Variants in POU2F1 observed in about 807,000 individuals in gnomAD.
The protein encoded by POU2F1 is POU domain, class 2, transcription factor 1.
POU2F1 carries 16 observed loss-of-function variants against 84.9 expected under a neutral mutation model. The observed-to-expected ratio is 0.19, with a 90% CI of 0.13 to 0.29. The LOEUF (loss-of-function observed/expected upper bound fraction) is 0.29. Ranked by LOEUF, POU2F1 falls within the 10% of genes least tolerant of loss-of-function variation. The probability of loss-of-function intolerance (pLI) is 1.00; values close to 1 mark genes in which losing one functional copy is unlikely to be tolerated. For synonymous variants in POU2F1, 368 were observed against 368.3 expected (o/e 1.00, Z 0.01); for missense variants, 738 against 942.6 (o/e 0.78, Z 2.84).
At chr1:167,385,492 T>C (rs1006219387) in intron 8 of POU2F1, among the ~76,000 whole-genome samples, 5 of 151,740 alleles carry the variant, frequency 3.3e-5, no homozygotes, top group Non-Finnish European at 5.9e-5. Flanking sequence ...TGGAACAGAA[T>C]AGAAGGTCCA....
Position 167,413,088 on chromosome 1 carries a change from G to C in POU2F1, c.1964G>C (p.Ser655Thr). 1 of 1,613,870 alleles carries C rather than the reference G, an allele frequency of 6.2e-7. No homozygotes were observed. Among genetic ancestry groups the C allele is most frequent in the Non-Finnish European group, 8.5e-7 (1 of 1,179,812 alleles). ...LSGALSPALM[S>T]NSTLATIQAL... ...GGTGCTCTCAGCCCAGCTCTAATGA[G>C]CAACAGTACACTGGCAACTATTCAA... The change falls in exon 15 of 16, where the codon AGC (serine) becomes ACC (threonine). Residue 655 changes from serine (S) to threonine (T), a missense_variant. Ser to Thr is a moderately conservative substitution (Grantham distance 58). Coordinates refer to ENST00000367866, the MANE Select transcript of POU2F1 (RefSeq NM_002697.4).
intron 1 of POU2F1, among the ~76,000 whole-genome samples, chr1:167,245,048 TAGG>T (rs780627379): frequency 2.0e-5 from 3 of 152,206 alleles, no homozygotes; most frequent in South Asian, 4.1e-4. Context: ...GAGAGGAGAA[TAGG>T]AGCATATTCT....
At chr1:167,243,557 C>T (rs1490174939) in intron 1 of POU2F1, among the ~76,000 whole-genome samples, 1 of 152,138 alleles carries the variant, frequency 6.6e-6, no homozygotes, top group African/African-American at 2.4e-5. Context: ...CTCACTGCAA[C>T]CTCTGCCTCC....
chr1:167,261,831 C>T (rs1042291095), intron 1 of POU2F1, among the ~76,000 whole-genome samples: 22 of 152,002 alleles, frequency 1.4e-4, no homozygotes, highest in African/African-American at 4.1e-4. Context: ...ATTACAGGCA[C>T]GTGCCATCAT....
rs749397563 is a variant in POU2F1, at chr1:167,412,140, T to A, written c.1737T>A (p.Pro579=). The change falls in exon 14 of 16, where the codon CCT becomes CCA. Residue 579 remains proline (P), a synonymous_variant. Coordinates refer to ENST00000367866, the MANE Select transcript of POU2F1 (RefSeq NM_002697.4). ...CCACCTCCACTCCTTTGTCCTCCCCTCTTGGGACCAGCCAGGTGATGGTGA... is the reference window on the plus strand; with the variant it reads ...CCACCTCCACTCCTTTGTCCTCCCCACTTGGGACCAGCCAGGTGATGGTGA... ...TQTTSTPLSS[P]LGTSQVMVTA... 5 of 1,614,120 alleles carry A rather than the reference T, an allele frequency of 3.1e-6. No homozygotes were observed. Among genetic ancestry groups the A allele is most frequent in the Non-Finnish European group, 4.2e-6 (5 of 1,180,018 alleles).
At chr1:167,381,335 G>A (rs1221772531) in intron 7 of POU2F1, among the ~76,000 whole-genome samples, 6 of 152,052 alleles carry the variant, frequency 3.9e-5, no homozygotes, top group African/African-American at 7.2e-5. Flanking sequence ...CACATGCCTC[G>A]GCCTCCCAAA....
At chr1:167,238,968 G>C (rs1335467233) in intron 1 of POU2F1, among the ~76,000 whole-genome samples, 5 of 152,192 alleles carry the variant, frequency 3.3e-5, no homozygotes, top group African/African-American at 1.2e-4. Flanking sequence ...TGTTCTCTAG[G>C]CTCCCCTTTC....
rs71572451 is a variant in POU2F1 at position 167,357,801 on chromosome 1, A to ATTT, written c.128-7647_128-7645dup. 6.6e-3 allele frequency among the ~76,000 whole-genome samples: 788 copies of ATTT among 119,210 alleles called. 10 individuals carry two copies. The highest frequency in any genetic ancestry group is 0.011 in the Non-Finnish European group (635 of 57,926). 78.2% of individuals were successfully genotyped at this position (119,210 alleles called of 152,430 possible). On this transcript the variant is annotated intron_variant, in intron 2 of 15. Transcript: ENST00000367866. ...TGAACTTGGTGAATCTTATTAATTG[A>ATTT]TTTTTTTTTTTTTTTTTTTTTGAGA...
intron 1 of POU2F1, among the ~76,000 whole-genome samples, chr1:167,331,328 A>G (rs966890725): frequency 1.3e-5 from 2 of 152,088 alleles, no homozygotes; most frequent in African/African-American, 4.8e-5. Flanking sequence ...GGATAATTCG[A>G]CTGTAAAGAA....
intron 1 of POU2F1, among the ~76,000 whole-genome samples, chr1:167,238,120 C>A (rs1350606842): frequency 6.6e-6 from 1 of 151,956 alleles, no homozygotes; most frequent in African/African-American, 2.4e-5. Flanking sequence ...CTTGATTTCT[C>A]ATGTGACCTT....
At chr1:167,365,691 T>A in intron 3 of POU2F1, 124 bp downstream of exon 3, 1 of 632,428 alleles carries the variant, frequency 1.6e-6, no homozygotes, top group Non-Finnish European at 2.6e-6. Context: ...GCTAATTGTG[T>A]AATTGTGTCA....
intron 1 of POU2F1, among the ~76,000 whole-genome samples, chr1:167,222,691 G>T (rs931762488): frequency 2.0e-4 from 30 of 152,170 alleles, no homozygotes; most frequent in Admixed American, 1.3e-3. Flanking sequence ...AAACTCTCTT[G>T]GGGCTTTACT....
At chr1:167,321,116 C>T (rs1656283708) in intron 1 of POU2F1, among the ~76,000 whole-genome samples, 1 of 152,108 alleles carries the variant, frequency 6.6e-6, no homozygotes, top group Non-Finnish European at 1.5e-5. Context: ...TGCAAGTGAT[C>T]ATAACATTGA....
At chr1:167,222,505 G>T (rs1049237931) in intron 1 of POU2F1, among the ~76,000 whole-genome samples, 1 of 151,800 alleles carries the variant, frequency 6.6e-6, no homozygotes, top group Non-Finnish European at 1.5e-5. Context: ...TTGGCAATCC[G>T]CAGGGCTCTG....
chr1:167,337,259 G>A (rs978769569), intron 2 of POU2F1, among the ~76,000 whole-genome samples: 3 of 151,710 alleles, frequency 2.0e-5, no homozygotes, highest in African/African-American at 2.4e-5. Context: ...TTGGGCAGTC[G>A]AGGCTACAGT....
At chr1:167,266,433 C>A (rs1463447202) in intron 1 of POU2F1, among the ~76,000 whole-genome samples, 1 of 152,044 alleles carries the variant, frequency 6.6e-6, no homozygotes, top group Non-Finnish European at 1.5e-5. Flanking sequence ...TTTACAAAAT[C>A]TTTTCATCGG....
chr1:167,395,992 AC>A (rs1648782161), intron 9 of POU2F1, among the ~76,000 whole-genome samples: 1 of 152,224 alleles, frequency 6.6e-6, no homozygotes, highest in Non-Finnish European at 1.5e-5. Context: ...TATTTTTGAT[AC>A]CTAGTTGAAA....
At chr1:167,247,122 A>T (rs547101954) in intron 1 of POU2F1, among the ~76,000 whole-genome samples, 8 of 151,256 alleles carry the variant, frequency 5.3e-5, no homozygotes, top group Non-Finnish European at 1.2e-4. Context: ...GTCGCCCAGG[A>T]TGAAGTGCAG....
intron 1 of POU2F1, among the ~76,000 whole-genome samples, chr1:167,282,329 A>G (rs1169313544): frequency 6.6e-6 from 1 of 151,910 alleles, no homozygotes; most frequent in African/African-American, 2.4e-5. Flanking sequence ...ATTTTTTAGT[A>G]GAGATGGGGT....
Sources: gnomAD v4.1 joint callset for allele counts (sites outside exome capture counted in the v4.1 genomes callset) on GRCh38, gnomAD v4.1.1 for gene constraint, MANE v1.5 for transcripts, NCBI Gene and HGNC (gene_info 2026-07-23, HGNC 2026-07-21) for gene names.